Variants in PLCL1 observed in about 807,000 individuals in gnomAD.
PLCL1 encodes the protein phospholipase C like 1 (inactive).
In PLCL1, 41 loss-of-function variants were observed where a neutral mutation model predicts 84.4. The observed-to-expected ratio is 0.49, with a 90% CI of 0.38 to 0.63. The LOEUF (loss-of-function observed/expected upper bound fraction) is 0.63. PLCL1 is among the 30% of genes least tolerant of loss of function. The pLI is 0.00. For missense variants in PLCL1, 1,206 were observed against 1,367.8 expected (o/e 0.88, Z 1.87); for synonymous variants, 490 against 488.3 (o/e 1.00, Z -0.05).
intron 1 of PLCL1, among the ~76,000 whole-genome samples, chr2:197,818,698 T>C (rs1323024354): frequency 1.3e-5 from 2 of 152,078 alleles, no homozygotes; most frequent in African/African-American, 4.8e-5. Flanking sequence ...AAGATTGGAC[T>C]GGTAATGGTG....
At chr2:197,869,044 A>G (rs969807310) in intron 1 of PLCL1, among the ~76,000 whole-genome samples, 1 of 152,178 alleles carries the variant, frequency 6.6e-6, no homozygotes, top group Non-Finnish European at 1.5e-5. Flanking sequence ...TTATACGCTG[A>G]GCAATGCAAT....
intron 1 of PLCL1, among the ~76,000 whole-genome samples, chr2:197,952,486 C>G (rs967353772): frequency 2.2e-4 from 33 of 152,016 alleles, no homozygotes; most frequent in African/African-American, 8.0e-4. Context: ...GAAGCAGCAC[C>G]CAGGTGCCAG....
rs190831754 is a variant in PLCL1 at position 197,827,741 on chromosome 2, C to T, written c.240+22402C>T. The stretch of plus-strand genomic sequence containing the variant: ...TAGTTTAGAAAAGTTGCCAGATATT[C>T]GCTCTTCAAGATTTACATTGTTTTC... On this transcript the variant is annotated intron_variant, in intron 1 of 5. Transcript: ENST00000428675. Among the ~76,000 whole-genome samples, 233 of 152,156 alleles carry T rather than the reference C, an allele frequency of 1.5e-3. 1 individual carries two copies. The highest frequency in any genetic ancestry group is 4.9e-3 in the African/African-American group (204 of 41,534).
At chr2:198,116,727 G>T (rs1195911123) in intron 5 of PLCL1, among the ~76,000 whole-genome samples, 1 of 151,814 alleles carries the variant, frequency 6.6e-6, no homozygotes, top group Admixed American at 6.6e-5. Context: ...TTATGGAAAG[G>T]TTAACAAGTC....
Position 197,978,247 on chromosome 2 carries a change from C to T in PLCL1, c.241-105511C>T, listed in dbSNP as rs940002437. Among the ~76,000 whole-genome samples, 13 of 152,182 alleles carry T rather than the reference C, an allele frequency of 8.5e-5. No individual in the cohort carries two copies. In the South Asian group the frequency reaches 1.0e-3, roughly 12 times the overall value. On this transcript the variant is annotated intron_variant, in intron 1 of 5. Transcript: ENST00000428675. Reference sequence around the variant, plus strand: ...ATCCCAGAACTTTGGGAGGCCGAGGCGGGCAGATCATGAGGTCAGGAGATA... The same window carrying T: ...ATCCCAGAACTTTGGGAGGCCGAGGTGGGCAGATCATGAGGTCAGGAGATA...
In PLCL1 at chr2:197,903,695, G is replaced by A. The variant is rs557592261; in HGVS notation, c.240+98356G>A. On this transcript the variant is annotated intron_variant, in intron 1 of 5. Transcript: ENST00000428675. ...TTTTTTTGTATTTTTAGTAGAGACA[G>A]GGTTTCACCGTGTTAGCCGGGATGG... is the stretch of plus-strand genomic sequence containing the variant. 9.7e-5 allele frequency among the ~76,000 whole-genome samples: 13 copies of A among 134,262 alleles called. No individual in the cohort carries two copies. In the East Asian group the frequency reaches 2.7e-3, roughly 28 times the overall value. 88.1% of individuals were successfully genotyped at this position (134,262 alleles called of 152,430 possible).
intron 1 of PLCL1, among the ~76,000 whole-genome samples, chr2:197,997,776 G>A (rs1690501939): frequency 1.3e-5 from 2 of 152,154 alleles, no homozygotes; most frequent in East Asian, 1.9e-4. Context: ...AGAGGAAACA[G>A]CAGAGAGAGG....
intron 1 of PLCL1, among the ~76,000 whole-genome samples, chr2:198,008,066 T>C (rs557616567): frequency 2.0e-5 from 3 of 152,122 alleles, no homozygotes; most frequent in African/African-American, 4.8e-5. Flanking sequence ...GTTAGAGATA[T>C]GTTAGTGATC....
intron 1 of PLCL1, among the ~76,000 whole-genome samples, chr2:197,807,690 A>AT (rs915239855): frequency 8.7e-4 from 132 of 151,770 alleles, no homozygotes; most frequent in African/African-American, 2.7e-3. Flanking sequence ...TTGCCAAGAG[A>AT]TTTTTTTTTA....
chr2:197,973,897 T>C (rs1689916232), intron 1 of PLCL1, among the ~76,000 whole-genome samples: 1 of 152,170 alleles, frequency 6.6e-6, no homozygotes, highest in African/African-American at 2.4e-5. Context: ...GGCTGCTAGG[T>C]GAAGAATGGA....
intron 1 of PLCL1, among the ~76,000 whole-genome samples, chr2:197,858,873 T>A (rs575933458): frequency 6.6e-6 from 1 of 152,214 alleles, no homozygotes; most frequent in South Asian, 2.1e-4. Flanking sequence ...GAGTAGGTGA[T>A]CTAAGATGGC....
intron 1 of PLCL1, among the ~76,000 whole-genome samples, chr2:198,019,702 G>A (rs560486604): frequency 6.6e-6 from 1 of 152,112 alleles, no homozygotes; most frequent in Admixed American, 6.5e-5. Context: ...AGAATGAAAA[G>A]GAAGGAACAA....
At chr2:197,872,158 C>A (rs1305988751) in intron 1 of PLCL1, among the ~76,000 whole-genome samples, 1 of 152,158 alleles carries the variant, frequency 6.6e-6, no homozygotes, top group East Asian at 1.9e-4. Context: ...TAGTTTTCTC[C>A]CCCCTGGCCT....
rs192373854 is a variant in PLCL1, at chr2:197,921,218, G to A, written c.240+115879G>A. On this transcript the variant is annotated intron_variant, in intron 1 of 5. Coordinates refer to ENST00000428675, the MANE Select transcript of PLCL1 (RefSeq NM_006226.4). ...CAGTATTATAATCTGTCATATATGA[G>A]GTTGGTTGTTGAACAAAGCGTTATG... is the stretch of plus-strand genomic sequence containing the variant. 3.6e-4 allele frequency among the ~76,000 whole-genome samples: 55 copies of A among 152,288 alleles called. 1 individual carries two copies. The East Asian group carries it at 8.9e-3, about 25-fold the overall frequency.
intron 1 of PLCL1, among the ~76,000 whole-genome samples, chr2:197,907,913 A>C (rs1688415126): frequency 6.6e-6 from 1 of 152,128 alleles, no homozygotes; most frequent in Admixed American, 6.6e-5. Flanking sequence ...TTACATTCTA[A>C]GTACTCTCTA....
intron 1 of PLCL1, among the ~76,000 whole-genome samples, chr2:198,062,103 G>C (rs1422195362): frequency 6.6e-6 from 1 of 152,292 alleles, no homozygotes; most frequent in Admixed American, 6.5e-5. Context: ...TTAGGACATG[G>C]TAAGATTCTG....
intron 1 of PLCL1, among the ~76,000 whole-genome samples, chr2:198,027,232 A>G (rs1467953307): frequency 6.6e-6 from 1 of 152,194 alleles, no homozygotes; most frequent in East Asian, 1.9e-4. Context: ...GGAGGCAATT[A>G]TGCTTAGTGA....
intron 1 of PLCL1, among the ~76,000 whole-genome samples, chr2:198,051,073 G>A (rs1691916815): frequency 6.6e-6 from 1 of 152,158 alleles, no homozygotes; most frequent in South Asian, 2.1e-4. Flanking sequence ...CAAATTGGTA[G>A]GTTTTCCTGG....
At chr2:198,132,238 G>T (rs1166109238) in intron 5 of PLCL1, among the ~76,000 whole-genome samples, 1 of 152,152 alleles carries the variant, frequency 6.6e-6, no homozygotes, top group African/African-American at 2.4e-5. Flanking sequence ...GCTACTGATT[G>T]GCCACACTTG....
Sources: gnomAD v4.1 joint callset for allele counts (sites outside exome capture counted in the v4.1 genomes callset) on GRCh38, gnomAD v4.1.1 for gene constraint, MANE v1.5 for transcripts, NCBI Gene and HGNC (gene_info 2026-07-23, HGNC 2026-07-21) for gene names.